Variants in NCOA1 observed in about 807,000 individuals in gnomAD.
NCOA1 encodes the protein Hin-2 protein.
A neutral mutation model predicts 150.9 loss-of-function variants in NCOA1; 35 were observed. That is an observed-to-expected ratio of 0.23 (90% CI 0.18 to 0.31). The LOEUF (loss-of-function observed/expected upper bound fraction) is 0.31. Ranked by LOEUF, NCOA1 falls within the 10% of genes least tolerant of loss-of-function variation. NCOA1 has a pLI of 1.00. For synonymous variants in NCOA1, 590 were observed against 630.0 expected (o/e 0.94, Z 0.95); for missense variants, 1,491 against 1,749.3 (o/e 0.85, Z 2.63).
At chr2:24,515,140 A>G (rs1169531139) in intron 1 of NCOA1, among the ~76,000 whole-genome samples, 1 of 152,194 alleles carries the variant, frequency 6.6e-6, no homozygotes, top group African/African-American at 2.4e-5. Flanking sequence ...TTTGTTAAAA[A>G]CATGTTTTGT....
At chr2:24,633,699 G>A (rs1228267404) in intron 3 of NCOA1, among the ~76,000 whole-genome samples, 1 of 152,168 alleles carries the variant, frequency 6.6e-6, no homozygotes, top group African/African-American at 2.4e-5. Context: ...GCATTGGGAA[G>A]GATATGGGGA....
At chr2:24,754,256 A>G (rs1221734121) in intron 20 of NCOA1, among the ~76,000 whole-genome samples, 1 of 152,162 alleles carries the variant, frequency 6.6e-6, no homozygotes, top group Admixed American at 6.5e-5. Flanking sequence ...TTAACACATG[A>G]GGCAGAGTAT....
intron 19 of NCOA1, among the ~76,000 whole-genome samples, chr2:24,742,555 T>G (rs1458247252): frequency 1.3e-5 from 2 of 151,776 alleles, no homozygotes; most frequent in Non-Finnish European, 2.9e-5. Context: ...CTCCTGGGCT[T>G]AAGCGATTCT....
In NCOA1 at chr2:24,491,514, GAGGA is replaced by G. The variant is rs1344737925; in HGVS notation, c.-483_-480del. On this transcript the variant is annotated 5_prime_UTR_variant, in exon 1 of 23. Coordinates refer to ENST00000348332, the MANE Select transcript of NCOA1 (RefSeq NM_003743.5). ...GCCGGAGAGCCGCGGCGCCGGGCCC[GAGGA>G]GCGGCGGAGGCCGGGGCGGCGCCGC... 6.1e-5 allele frequency among the ~76,000 whole-genome samples: 9 copies of G among 147,074 alleles called. No homozygotes were observed. The highest frequency in any genetic ancestry group is 1.5e-4 in the African/African-American group (6 of 40,864).
At chr2:24,762,862 C>A in intron 22 of NCOA1, 86 bp downstream of exon 22, 1 of 1,224,456 alleles carries the variant, frequency 8.2e-7, no homozygotes, top group Non-Finnish European at 1.2e-6. Flanking sequence ...AGAGCCTGAC[C>A]TTGGGAGTCA....
chr2:24,529,064 A>C (rs1019967031), intron 1 of NCOA1, among the ~76,000 whole-genome samples: 1 of 151,766 alleles, frequency 6.6e-6, no homozygotes, highest in Non-Finnish European at 1.5e-5. Flanking sequence ...TTTTTTGTAT[A>C]TTTAGTAGAG....
intron 17 of NCOA1, 45 bp from the exon 18 acceptor site, chr2:24,739,387 T>C (rs376981960): frequency 6.6e-6 from 9 of 1,372,744 alleles, no homozygotes; most frequent in African/African-American, 1.4e-5. Context: ...GCCCGTGTTA[T>C]GCTTGTGTGT....
intron 21 of NCOA1, among the ~76,000 whole-genome samples, chr2:24,761,294 A>G (rs1664783665): frequency 6.6e-6 from 1 of 152,204 alleles, no homozygotes; most frequent in South Asian, 2.1e-4. Context: ...GCTTTCGAGC[A>G]CTGGGATGAG....
chr2:24,503,143 G>A (rs768703404), intron 1 of NCOA1, among the ~76,000 whole-genome samples: 3 of 152,180 alleles, frequency 2.0e-5, no homozygotes, highest in Non-Finnish European at 2.9e-5. Context: ...GAATGTGTGC[G>A]TGTTCCTGGA....
chr2:24,495,104 T>G (rs759398716), intron 1 of NCOA1, among the ~76,000 whole-genome samples: 164 of 83,596 alleles, frequency 2.0e-3, no homozygotes, highest in Non-Finnish European at 3.8e-3. Context: ...TTTTTTTTTG[T>G]TTTTTTTTTT....
intron 14 of NCOA1, among the ~76,000 whole-genome samples, chr2:24,717,875 C>A (rs1408837484): frequency 2.7e-5 from 4 of 150,084 alleles, no homozygotes; most frequent in South Asian, 2.1e-4. Context: ...ATGAAAATGG[C>A]AAATCAGCAT....
At chr2:24,597,801 T>C (rs1451201634) in intron 3 of NCOA1, among the ~76,000 whole-genome samples, 1 of 152,190 alleles carries the variant, frequency 6.6e-6, no homozygotes, top group Non-Finnish European at 1.5e-5. Context: ...TATTATACTT[T>C]AAGTTCTAGG....
chr2:24,569,869 GAAAA>G (rs1304456502), intron 2 of NCOA1, among the ~76,000 whole-genome samples: 1 of 118,338 alleles, frequency 8.5e-6, no homozygotes. Context: ...TACTCCGTCT[GAAAA>G]AAAAAAAAGA....
chr2:24,648,824 T>A (rs750040169), intron 4 of NCOA1, among the ~76,000 whole-genome samples: 2 of 152,108 alleles, frequency 1.3e-5, no homozygotes, highest in Non-Finnish European at 2.9e-5. Context: ...TATACTGTAT[T>A]CTGAAATGGG....
At chr2:24,516,954 A>AC (rs1558758482) in intron 1 of NCOA1, among the ~76,000 whole-genome samples, 289 of 22,002 alleles carry the variant, frequency 0.013, no homozygotes, top group East Asian at 0.062. Flanking sequence ...GTATATATAC[A>AC]AGTATATATA....
intron 14 of NCOA1, among the ~76,000 whole-genome samples, chr2:24,723,039 G>A (rs1026391489): frequency 1.8e-4 from 26 of 146,520 alleles, no homozygotes; most frequent in African/African-American, 6.4e-4. Context: ...CATGGTTTTT[G>A]TATATTTGTT....
intron 2 of NCOA1, among the ~76,000 whole-genome samples, chr2:24,574,215 A>C (rs1666858105): frequency 6.6e-6 from 1 of 152,156 alleles, no homozygotes; most frequent in Admixed American, 6.5e-5. Context: ...ACTATTTATT[A>C]ACTCTAAGCT....
rs553895651 is a variant in NCOA1, at chr2:24,498,515, AAGTTTT to A, written c.-396+6915_-396+6920del. ...ATTTTCATTTGAGAAAAATCAGGGC[AAGTTTT>A]ATGGAGGACTTGGTGGTAGACAAAA... is the stretch of plus-strand genomic sequence containing the variant. On this transcript the variant is annotated intron_variant, in intron 1 of 22. Transcript: ENST00000348332. Among the ~76,000 whole-genome samples the A allele has an allele frequency of 4.0e-4, 61 of 152,326 alleles. No individual in the cohort carries two copies. In the South Asian group the frequency reaches 0.012, roughly 30 times the overall value.
chr2:24,606,953 G>A (rs1437355097), intron 3 of NCOA1, among the ~76,000 whole-genome samples: 1 of 152,124 alleles, frequency 6.6e-6, no homozygotes, highest in Non-Finnish European at 1.5e-5. Flanking sequence ...AATCAGATAA[G>A]GCATTGCCAT....
Sources: gnomAD v4.1 joint callset for allele counts (sites outside exome capture counted in the v4.1 genomes callset) on GRCh38, gnomAD v4.1.1 for gene constraint, MANE v1.5 for transcripts, NCBI Gene and HGNC (gene_info 2026-07-23, HGNC 2026-07-21) for gene names.